Variants in WDR73 observed in about 807,000 individuals in gnomAD.
WDR73 encodes integrator complex assembly factor WDR73.
Under a neutral mutation model 38.2 loss-of-function variants are expected in WDR73, and 30 were observed. That is an observed-to-expected ratio of 0.79 (90% CI 0.59 to 1.06). The LOEUF is 1.06. WDR73 is among the 50% of genes least tolerant of loss of function. WDR73 has a pLI of 0.00. For synonymous variants in WDR73, 197 were observed against 176.0 expected, an observed-to-expected ratio of 1.12 and a Z score of -0.94; for missense variants, 487 against 467.0, an observed-to-expected ratio of 1.04 and a Z score of -0.40.
At chr15:84,648,041 C>T in intron 4 of WDR73, 87 bp from the exon 5 acceptor site, 2 of 1,190,096 alleles carry the variant, frequency 1.7e-6, no homozygotes, top group South Asian at 2.4e-5. Context: ...TAGCTTGGGA[C>T]TCCACTTCCC....
At chr15:84,654,013 G>A (rs933346636) in intron 1 of WDR73, 1 of 626,872 alleles carries the variant, frequency 1.6e-6, no homozygotes, top group Non-Finnish European at 2.8e-6. Context: ...GTCTTCACAA[G>A]CGCGGCTCTT....
At chr15:84,653,856 G>A (rs1896703632) in intron 1 of WDR73, 157 bp from the exon 2 acceptor site, 2 of 672,656 alleles carry the variant, frequency 3.0e-6, no homozygotes, top group Admixed American at 2.3e-5. Context: ...CTGGGACCAG[G>A]CCAGTCCCTT....
chr15:84,641,366 C>A lies in WDR73; in HGVS notation c.*2104G>T, dbSNP rs1267132253. On this transcript the variant is annotated 3_prime_UTR_variant, in exon 8 of 8. Transcript: ENST00000434634. The stretch of plus-strand genomic sequence containing the variant: ...TAAGGGCTGAGGGGAACCAGGCACT[C>A]AGTGCACCCAGTTTACTATTCTGTG... 1 of 152,224 alleles carries A rather than the reference C, an allele frequency of 6.6e-6. No homozygotes were observed. Among genetic ancestry groups the A allele is most frequent in the Non-Finnish European group, 1.5e-5 (1 of 68,062 alleles). The allele number at this position is 152,224 out of a possible 1,614,324, so 9.4% of individuals were successfully genotyped here.
Position 84,643,549 on chromosome 15 carries a change from C to G in WDR73, c.1058G>C (p.Arg353Thr). ...LVTTHTWHPC[R>T]PRTLLSATND... ...TGTTGCTGATAACAAAGTCCTTGGTCTGCAGGGATGCCAGGTGTGGGTGGT... is the reference window on the plus strand; with the variant it reads ...TGTTGCTGATAACAAAGTCCTTGGTGTGCAGGGATGCCAGGTGTGGGTGGT... The change falls in exon 8 of 8, where the codon AGA becomes ACA. Residue 353 changes from arginine (R) to threonine (T), a missense_variant. Arg to Thr is a moderately conservative substitution (Grantham distance 71). Transcript: ENST00000434634. 6.2e-7 allele frequency: 1 copy of G among 1,608,946 alleles called. No homozygotes were observed. Among genetic ancestry groups the G allele is most frequent in the African/African-American group, 1.3e-5 (1 of 75,022 alleles).
chr15:84,646,154 C>T, intron 6 of WDR73, 30 bp downstream of exon 6: 1 of 1,612,602 alleles, frequency 6.2e-7, no homozygotes, highest in Non-Finnish European at 8.5e-7. Flanking sequence ...CCGGCTGGAG[C>T]AGCAAGCAAG....
At chr15:84,653,522 A>T (rs1473120552) in intron 2 of WDR73, 110 bp downstream of exon 2, 2 of 731,244 alleles carry the variant, frequency 2.7e-6, no homozygotes, top group Non-Finnish European at 4.8e-6. Context: ...AATTGCTACA[A>T]GTGACTCTCA....
At position 84,641,169 on chromosome 15, in the gene WDR73, C is replaced by T. The variant is rs1204173621; in HGVS notation, c.*2301G>A. ...TCTCTGAGCAGGACTTCCAGTTCCC[C>T]AGCCAGATGGGGTCACAATGCTGCA... On this transcript the variant is annotated 3_prime_UTR_variant, in exon 8 of 8. Transcript: ENST00000434634. The T allele has an allele frequency of 6.6e-6, 1 of 150,836 alleles. No individual in the cohort carries two copies. The highest frequency in any genetic ancestry group is 1.9e-4 in the East Asian group (1 of 5,200). 9.3% of individuals were successfully genotyped at this position (150,836 alleles called of 1,614,324 possible).
chr15:84,648,223 G>A, intron 4 of WDR73: 1 of 589,552 alleles, frequency 1.7e-6, no homozygotes, highest in Admixed American at 3.0e-5. Context: ...AGAGACTCTT[G>A]GCCTCTCCCA....
chr15:84,652,314 G>A (rs776245416), intron 3 of WDR73, among the ~76,000 whole-genome samples: 7 of 152,032 alleles, frequency 4.6e-5, no homozygotes, highest in African/African-American at 7.3e-5. Context: ...AGTATTCTTT[G>A]GGGAGGGGGG....
At chr15:84,647,798 G>A (rs1258074185) in intron 5 of WDR73, 92 bp downstream of exon 5, 2 of 1,274,324 alleles carry the variant, frequency 1.6e-6, no homozygotes, top group African/African-American at 2.9e-5. Context: ...CCCAGCCTGA[G>A]TCTCCTTCTT....
intron 4 of WDR73, 79 bp downstream of exon 4, chr15:84,648,458 G>T: frequency 1.0e-6 from 1 of 987,920 alleles, no homozygotes. Flanking sequence ...ATGGAGATGA[G>T]GAGGCAGAAT....
Position 84,645,459 on chromosome 15 carries a change from G to C in WDR73, c.883+12C>G. 1.2e-6 allele frequency: 2 copies of C among 1,610,996 alleles called. No homozygotes were observed. The highest frequency in any genetic ancestry group is 1.7e-6 in the Non-Finnish European group (2 of 1,178,272). ...AGATCAGATAACAAGACGAAATCCT[G>C]CTCGGCAGTACCTGAGATGGCCAAG... On this transcript the variant is annotated intron_variant, in intron 7 of 7. Coordinates refer to ENST00000434634, the MANE Select transcript of WDR73 (RefSeq NM_032856.5).
In WDR73 at chr15:84,647,962, G is replaced by C; in HGVS notation, c.288-8C>G. ...CCACTGGTAACCAGCAATCTATTCAGAAAAGACAAAATCAGTCCAGACCAT... is the reference window on the plus strand; with the variant it reads ...CCACTGGTAACCAGCAATCTATTCACAAAAGACAAAATCAGTCCAGACCAT... On this transcript the variant is annotated splice_region_variant and splice_polypyrimidine_tract_variant and intron_variant, in intron 4 of 7. Transcript: ENST00000434634. 6.2e-7 allele frequency: 1 copy of C among 1,613,942 alleles called. No individual in the cohort carries two copies. Among genetic ancestry groups the C allele is most frequent in the Non-Finnish European group, 8.5e-7 (1 of 1,179,846 alleles).
rs1049525632 is a variant in WDR73, at chr15:84,647,914, C to T, written c.328G>A (p.Val110Met). Residue 110 changes from valine (V) to methionine (M), a missense_variant, in exon 5 of 8, where the codon GTG becomes ATG. Transcript: ENST00000434634. Reference sequence around the variant, plus strand: ...CCACTGTCCTCTGCAACCTGCCACACCTGCAGATAACAACCTGGAAGGCCA... The same window carrying T: ...CCACTGTCCTCTGCAACCTGCCACATCTGCAGATAACAACCTGGAAGGCCA... The part of the protein sequence containing the change: ...TSGLPGCYLQ[V>M]WQVAEDSDVI... 4.3e-6 allele frequency: 7 copies of T among 1,614,012 alleles called. No individual in the cohort carries two copies. Among genetic ancestry groups the T allele is most frequent in the East Asian group, 4.5e-5 (2 of 44,882 alleles).
intron 2 of WDR73, 62 bp from the exon 3 acceptor site, chr15:84,652,864 C>T (rs1896667277): frequency 5.0e-6 from 5 of 1,001,926 alleles, no homozygotes; most frequent in Non-Finnish European, 7.4e-6. Context: ...CCATGCAATC[C>T]CCCGAAGTAA....
intron 5 of WDR73, chr15:84,646,580 G>A (rs1047374544): frequency 1.7e-5 from 9 of 524,484 alleles, no homozygotes; most frequent in Middle Eastern, 1.3e-3. Context: ...TTTTGCAAAT[G>A]GAAGACAATG....
chr15:84,654,200 C>T (rs528316856), intron 1 of WDR73, 34 bp downstream of exon 1: 1 of 1,613,848 alleles, frequency 6.2e-7, no homozygotes, highest in Non-Finnish European at 8.5e-7. Flanking sequence ...AAGCTCCAGG[C>T]CCAGCTCCCA....
chr15:84,653,727 G>A, intron 1 of WDR73, 28 bp from the exon 2 acceptor site: 1 of 1,544,174 alleles, frequency 6.5e-7, no homozygotes, highest in Non-Finnish European at 8.8e-7. Context: ...AGAATCACAC[G>A]ATGCACAGCA....
intron 2 of WDR73, chr15:84,653,360 G>C: frequency 2.8e-6 from 1 of 360,552 alleles, no homozygotes; most frequent in South Asian, 2.7e-5. Context: ...AGTAGAGACG[G>C]GGTTTCACCA....
Sources: allele counts gnomAD v4.1 joint callset (sites outside exome capture counted in the v4.1 genomes callset), GRCh38; gene constraint gnomAD v4.1.1; transcripts MANE v1.5; gene names NCBI Gene and HGNC (gene_info 2026-07-23, HGNC 2026-07-21).